The following KCNQ1 variants were observed in gnomAD, a reference collection of about 807,000 sequenced individuals.
The protein encoded by KCNQ1 is potassium voltage-gated channel subfamily KQT member 1.
In KCNQ1, 49 loss-of-function variants were observed where a neutral mutation model predicts 72.4. That is an observed-to-expected ratio of 0.68 (90% CI 0.54 to 0.86). KCNQ1 has a LOEUF of 0.86. KCNQ1 is among the 40% of genes least tolerant of loss of function. The pLI is 0.00. For missense variants in KCNQ1, 790 were observed against 945.1 expected, an observed-to-expected ratio of 0.84 and a Z score of 2.15; for synonymous variants, 450 against 412.6, an observed-to-expected ratio of 1.09 and a Z score of -1.10.
At chr11:2,696,839 C>CT (rs887542752) in intron 11 of KCNQ1, 49 of 398,174 alleles carry the variant, frequency 1.2e-4, no homozygotes, top group East Asian at 8.2e-4. Context: ...CTCTATTATG[C>CT]TTTTTTTTAG....
At chr11:2,510,660 G>A (rs540494249) in intron 1 of KCNQ1, among the ~76,000 whole-genome samples, 32 of 152,334 alleles carry the variant, frequency 2.1e-4, no homozygotes, top group Admixed American at 3.3e-4. Context: ...GGCAATGTCC[G>A]TGAAATTGAA....
chr11:2,596,300 A>G (rs138664845), intron 10 of KCNQ1, among the ~76,000 whole-genome samples: 4 of 152,330 alleles, frequency 2.6e-5, no homozygotes, highest in African/African-American at 9.6e-5. Context: ...TGTTAAATAC[A>G]TACCTACCAT....
At position 2,518,541 on chromosome 11, in the gene KCNQ1, C is replaced by A. The variant is rs187254757; in HGVS notation, c.387-9387C>A. 2.0e-4 allele frequency among the ~76,000 whole-genome samples: 30 copies of A among 152,270 alleles called. No homozygotes were observed. The Middle Eastern group carries it at 0.017, about 86-fold the overall frequency. On this transcript the variant is annotated intron_variant, in intron 1 of 15. Transcript: ENST00000155840. ...GGACCTGTTTCTTGGGGTTCCCAGT[C>A]CAGATCTGTGTTGGAAAAAGTGTCA...
chr11:2,690,159 C>T lies in KCNQ1; in HGVS notation c.1514+28078C>T. The T allele has an allele frequency of 5.0e-6, 2 of 398,848 alleles. No individual in the cohort carries two copies. The highest frequency in any genetic ancestry group is 8.8e-6 in the Non-Finnish European group (2 of 226,228). 24.7% of individuals were successfully genotyped at this position (398,848 alleles called of 1,614,324 possible). ...AAGCGGGCAGCCCTCCCCAGCATGA[C>T]AGGATGTGGAAGGCTGGTCTCTCCA... On this transcript the variant is annotated intron_variant, in intron 11 of 15. Coordinates refer to ENST00000155840, the MANE Select transcript of KCNQ1 (RefSeq NM_000218.3). The surrounding 1 kb of genome is among the most constrained non-coding windows in gnomAD (Gnocchi z 5.1).
intron 2 of KCNQ1, among the ~76,000 whole-genome samples, chr11:2,557,450 C>T (rs1378379772): frequency 6.6e-6 from 1 of 152,206 alleles, no homozygotes; most frequent in Admixed American, 6.5e-5. Flanking sequence ...ATTTCAGATT[C>T]TAACAGTAAT....
rs568589933 is a variant in KCNQ1 at position 2,735,713 on chromosome 11, C to G, written c.1515-33131C>G. Among the ~76,000 whole-genome samples the G allele has an allele frequency of 1.3e-5, 2 of 152,124 alleles. No homozygotes were observed. Among genetic ancestry groups the G allele is most frequent in the Admixed American group, 1.3e-4 (2 of 15,306 alleles). The stretch of plus-strand genomic sequence containing the variant: ...AGCCCTGGAGGCTGGAGTCCAAGGT[C>G]AAGGTGCTGCAGGGCTGGGTCCTCC... On this transcript the variant is annotated intron_variant, in intron 11 of 15. Transcript: ENST00000155840. This position sits in a 1 kb window ranked among gnomAD's most constrained non-coding sequence, Gnocchi z 7.7.
rs2283172 is a variant in KCNQ1, at chr11:2,579,255, A to T, written c.922-4180A>T. Among the ~76,000 whole-genome samples the T allele has an allele frequency of 1.3e-5, 2 of 152,062 alleles. No individual in the cohort carries two copies. Among genetic ancestry groups the T allele is most frequent in the Admixed American group, 6.5e-5 (1 of 15,280 alleles). On this transcript the variant is annotated intron_variant, in intron 6 of 15. Coordinates refer to ENST00000155840, the MANE Select transcript of KCNQ1 (RefSeq NM_000218.3). This position sits in a 1 kb window ranked among gnomAD's most constrained non-coding sequence, Gnocchi z 6.0. ...ATCCCAGTGTTTCTCAGGGAGGAAC[A>T]TGGGGGGACTAGAAGGCTCCCCATG...
At chr11:2,632,864 G>C (rs1018269750) in intron 10 of KCNQ1, 2 of 398,446 alleles carry the variant, frequency 5.0e-6, no homozygotes. Flanking sequence ...GTTGTGAACA[G>C]TACTGCAATA....
Position 2,585,241 on chromosome 11 carries a change from G to A in KCNQ1, c.1062G>A (p.Lys354=), listed in dbSNP as rs753421812. 6.2e-7 allele frequency: 1 copy of A among 1,614,130 alleles called. No homozygotes were observed. The highest frequency in any genetic ancestry group is 2.2e-5 in the East Asian group (1 of 44,890). The change falls in exon 8 of 16, where the codon AAG becomes AAA. Residue 354 remains lysine, a synonymous_variant. Transcript: ENST00000155840. ...AGILGSGFAL[K]VQQKQRQKHF... ...TTCTTGGCTCGGGGTTTGCCCTGAA[G>A]GTGCAGCAGAAGCAGAGGCAGAAGC...
chr11:2,820,404 G>T (rs181218252), intron 15 of KCNQ1, among the ~76,000 whole-genome samples: 9 of 152,266 alleles, frequency 5.9e-5, no homozygotes, highest in Non-Finnish European at 8.8e-5. Flanking sequence ...TTACATCAAG[G>T]TACAGATTTT....
intron 10 of KCNQ1, chr11:2,660,312 A>C (rs1191262420): frequency 2.5e-6 from 1 of 398,464 alleles, no homozygotes. Context: ...ATATGTATAC[A>C]TACAACACAT....
At position 2,493,177 on chromosome 11, in the gene KCNQ1, G is replaced by A. The variant is rs138911850; in HGVS notation, c.387-34751G>A. Among the ~76,000 whole-genome samples the A allele has an allele frequency of 7.2e-5, 11 of 151,988 alleles. No individual in the cohort carries two copies. The highest frequency in any genetic ancestry group is 3.9e-4 in the East Asian group (2 of 5,160). ...GTCTTCTTTTGAGAAGTATCTGTTCGTATCCTTTACCCACTTTTTGATGGG... is the reference window on the plus strand; with the variant it reads ...GTCTTCTTTTGAGAAGTATCTGTTCATATCCTTTACCCACTTTTTGATGGG... On this transcript the variant is annotated intron_variant, in intron 1 of 15. Transcript: ENST00000155840. This position sits in a 1 kb window ranked among gnomAD's most constrained non-coding sequence, Gnocchi z 5.3.
chr11:2,676,402 G>T lies in KCNQ1; in HGVS notation c.1514+14321G>T. On this transcript the variant is annotated intron_variant, in intron 11 of 15. Transcript: ENST00000155840. This position sits in a 1 kb window ranked among gnomAD's most constrained non-coding sequence, Gnocchi z 4.2. ...AGCATAGTCTCTGTGTTCAGCTAGAGATTTAGCCCAATGGGCTGGGCTTTT... is the reference window on the plus strand; with the variant it reads ...AGCATAGTCTCTGTGTTCAGCTAGATATTTAGCCCAATGGGCTGGGCTTTT... 1 of 398,682 alleles carries T rather than the reference G, an allele frequency of 2.5e-6. No homozygotes were observed. 24.7% of individuals were successfully genotyped at this position (398,682 alleles called of 1,614,324 possible).
At chr11:2,553,864 C>A (rs948172230) in intron 2 of KCNQ1, among the ~76,000 whole-genome samples, 2 of 151,924 alleles carry the variant, frequency 1.3e-5, no homozygotes, top group Admixed American at 1.3e-4. Context: ...TACAGGCGCC[C>A]GCCACCACAC....
At chr11:2,630,061 A>G (rs1849328101) in intron 10 of KCNQ1, 2 of 398,238 alleles carry the variant, frequency 5.0e-6, no homozygotes, top group East Asian at 7.1e-5. Flanking sequence ...GGCTATTCAT[A>G]TATGGCCTTT....
At chr11:2,832,272 T>C (rs234860) in intron 15 of KCNQ1, among the ~76,000 whole-genome samples, 120,643 of 152,178 alleles carry the variant, frequency 0.79, 48,183 homozygotes, top group East Asian at 0.96. Context: ...GCCCTGCAAA[T>C]GGAGGTACCA....
In KCNQ1 at chr11:2,445,096, G is replaced by C. The variant is rs763924459; in HGVS notation, c.-3G>C. 1.8e-6 allele frequency: 2 copies of C among 1,082,098 alleles called. No individual in the cohort carries two copies. The highest frequency in any genetic ancestry group is 2.2e-6 in the Non-Finnish European group (2 of 891,702). 67.0% of individuals were successfully genotyped at this position (1,082,098 alleles called of 1,614,324 possible). On this transcript the variant is annotated 5_prime_UTR_variant, in exon 1 of 16. Transcript: ENST00000155840. ...GCCGGCCCCCCGGCAGGCCCTCCTC[G>C]TTATGGCCGCGGCCTCCTCCCCGCC... is the stretch of plus-strand genomic sequence containing the variant.
chr11:2,577,121 A>G (rs1415899464), intron 6 of KCNQ1, among the ~76,000 whole-genome samples: 1 of 152,186 alleles, frequency 6.6e-6, no homozygotes, highest in Admixed American at 6.5e-5. Context: ...CTGGACCGAA[A>G]GGGCCTCCTG....
intron 6 of KCNQ1, among the ~76,000 whole-genome samples, chr11:2,582,342 G>C (rs1200645815): frequency 1.3e-5 from 2 of 152,212 alleles, no homozygotes; most frequent in South Asian, 4.1e-4. Context: ...CCCTGGTCTC[G>C]TGGGGGCTCA....
Sources: allele counts gnomAD v4.1 joint callset (sites outside exome capture counted in the v4.1 genomes callset), GRCh38; gene constraint gnomAD v4.1.1; non-coding constraint Gnocchi (gnomAD v3.1); transcripts MANE v1.5; gene names NCBI Gene and HGNC (gene_info 2026-07-23, HGNC 2026-07-21).